ZHX3: variants seen among roughly 807,000 people sequenced by gnomAD.
The protein encoded by ZHX3 is zinc fingers and homeoboxes protein 3.
A neutral mutation model predicts 64.5 loss-of-function variants in ZHX3; 20 were observed. The observed-to-expected ratio is 0.31, with a 90% confidence interval of 0.22 to 0.45. ZHX3 has a LOEUF of 0.45. Ranked by LOEUF, ZHX3 falls within the 20% of genes least tolerant of loss-of-function variation. The pLI is 1.00. For synonymous variants in ZHX3, 423 were observed against 461.6 expected (o/e 0.92, Z 1.07); for missense variants, 1,041 against 1,195.8 (o/e 0.87, Z 1.91).
chr20:41,289,592 A>T (rs2044121994), intron 1 of ZHX3, among the ~76,000 whole-genome samples: 1 of 152,172 alleles, frequency 6.6e-6, no homozygotes, highest in African/African-American at 2.4e-5. Context: ...CATGCCAAGG[A>T]TGCAATCTTA....
chr20:41,183,359 T>TG lies in ZHX3; in HGVS notation c.*1831dup, dbSNP rs1434798399. 1 of 152,230 alleles carries TG rather than the reference T, an allele frequency of 6.6e-6. No individual in the cohort carries two copies. The highest frequency in any genetic ancestry group is 2.4e-5 in the African/African-American group (1 of 41,458). 9.4% of individuals were successfully genotyped at this position (152,230 alleles called of 1,614,324 possible). On this transcript the variant is annotated 3_prime_UTR_variant, in exon 4 of 4. Coordinates refer to ENST00000683867, the MANE Select transcript of ZHX3 (RefSeq NM_001384317.1). This position sits in a 1 kb window ranked among gnomAD's most constrained non-coding sequence, Gnocchi z 5.3. ...GAATACAAAAATAGGCTGCAAAACT[T>TG]GCCAAGTACTCACAAGTCCCTGTTT...
chr20:41,297,750 C>A (rs915438679), intron 1 of ZHX3, among the ~76,000 whole-genome samples: 5 of 152,184 alleles, frequency 3.3e-5, no homozygotes, highest in Non-Finnish European at 7.4e-5. Context: ...ATAAAGGCAA[C>A]TGACTGCCAG....
chr20:41,270,393 A>G lies in ZHX3; in HGVS notation c.-244-1310T>C, dbSNP rs1252321582. ...TCCGTCCAAAAAAAAAAAAAAAAAA[A>G]GGCCGGGCACGGTGGCTCACACCTG... On this transcript the variant is annotated intron_variant, in intron 1 of 3. Coordinates refer to ENST00000683867, the MANE Select transcript of ZHX3 (RefSeq NM_001384317.1). Among the ~76,000 whole-genome samples the G allele has an allele frequency of 2.6e-3, 307 of 119,678 alleles. 2 individuals are homozygous for G. The highest frequency in any genetic ancestry group is 1.0e-2 in the African/African-American group (293 of 29,326). 78.5% of individuals were successfully genotyped at this position (119,678 alleles called of 152,430 possible).
chr20:41,238,692 C>A (rs561426831), intron 2 of ZHX3: 1 of 152,154 alleles, frequency 6.6e-6, no homozygotes, highest in Admixed American at 6.5e-5. Flanking sequence ...CCTTACTTTG[C>A]GGAAATATGC....
chr20:41,301,731 A>G (rs1389134270), intron 1 of ZHX3, among the ~76,000 whole-genome samples: 1 of 152,128 alleles, frequency 6.6e-6, no homozygotes, highest in Non-Finnish European at 1.5e-5. Flanking sequence ...CCCATCCAGC[A>G]GATGCAGGCA....
chr20:41,282,735 G>A (rs548801233), intron 1 of ZHX3, among the ~76,000 whole-genome samples: 129 of 152,206 alleles, frequency 8.5e-4, no homozygotes, highest in Admixed American at 4.1e-3. Flanking sequence ...ACCCAGGTAC[G>A]TTGCATGAAA....
intron 2 of ZHX3, among the ~76,000 whole-genome samples, chr20:41,222,014 CAGA>C (rs2039976486): frequency 6.6e-6 from 1 of 152,194 alleles, no homozygotes; most frequent in Non-Finnish European, 1.5e-5. Context: ...GGGCTTTGAG[CAGA>C]AGGTTGGCGT....
rs1191837454 is a variant in ZHX3, at chr20:41,203,587, G to T, written c.1330C>A (p.Pro444Thr). ...TTGGGGACGGATGTCACCGTGAGGGGGAGAGGGGAACTTGTTGCTTGCAAC... is the reference window on the plus strand; with the variant it reads ...TTGGGGACGGATGTCACCGTGAGGGTGAGAGGGGAACTTGTTGCTTGCAAC... ...NGLQATSSPLPLTVTSVPKQP... is the reference protein window; with the variant it reads ...NGLQATSSPLTLTVTSVPKQP... The change falls in exon 3 of 4, where the codon CCC becomes ACC. Residue 444 changes from proline (P) to threonine (T), a missense_variant. By Grantham distance (38) the Pro-to-Thr change is conservative (BLOSUM62 -1). Transcript: ENST00000683867. The surrounding 1 kb of genome is among the most constrained non-coding windows in gnomAD (Gnocchi z 7.1). 1.2e-6 allele frequency: 2 copies of T among 1,614,234 alleles called. No individual in the cohort carries two copies.
In ZHX3 at chr20:41,280,883, T is replaced by A. The variant is rs186654193; in HGVS notation, c.-244-11800A>T. Among the ~76,000 whole-genome samples, 36 of 121,454 alleles carry A rather than the reference T, an allele frequency of 3.0e-4. 1 individual carries two copies. The highest frequency in any genetic ancestry group is 5.4e-3 in the Middle Eastern group (1 of 186). 79.7% of individuals were successfully genotyped at this position (121,454 alleles called of 152,430 possible). ...CTAGATGATCCAATATGTCTAACCC[T>A]TTTTTTTTTTAAAGGAGAGGACAGA... On this transcript the variant is annotated intron_variant, in intron 1 of 3. Coordinates refer to ENST00000683867, the MANE Select transcript of ZHX3 (RefSeq NM_001384317.1).
At chr20:41,238,673 A>G (rs2041172935) in intron 2 of ZHX3, 1 of 152,198 alleles carries the variant, frequency 6.6e-6, no homozygotes, top group African/African-American at 2.4e-5. Context: ...ATATATAGGC[A>G]AGACATTTCC....
At position 41,192,065 on chromosome 20, in the gene ZHX3, G is replaced by A. The variant is rs554327243; in HGVS notation, c.2861-6864C>T. Among the ~76,000 whole-genome samples, 4 of 152,306 alleles carry A rather than the reference G, an allele frequency of 2.6e-5. No homozygotes were observed. In the East Asian group the frequency reaches 7.7e-4, roughly 29 times the overall value. The stretch of plus-strand genomic sequence containing the variant: ...GGCCCCTGGGCAGCTGGCGTGGCAT[G>A]GGAGATGGCAGTGACAGTGTTGAAA... On this transcript the variant is annotated intron_variant, in intron 3 of 3. Transcript: ENST00000683867.
chr20:41,237,311 C>T (rs1350987636), intron 2 of ZHX3, among the ~76,000 whole-genome samples: 3 of 152,162 alleles, frequency 2.0e-5, no homozygotes, highest in Non-Finnish European at 1.5e-5. Context: ...GACACATGCA[C>T]ATGTATGTTT....
At chr20:41,257,345 T>C (rs907923648) in intron 2 of ZHX3, among the ~76,000 whole-genome samples, 3 of 152,310 alleles carry the variant, frequency 2.0e-5, no homozygotes, top group South Asian at 2.1e-4. Flanking sequence ...AAAATGTTCA[T>C]GAAAATCTCT....
intron 2 of ZHX3, among the ~76,000 whole-genome samples, chr20:41,222,841 G>C (rs764923287): frequency 9.3e-5 from 14 of 151,128 alleles, no homozygotes; most frequent in Admixed American, 2.0e-4. Context: ...GTGTGGGCCA[G>C]ATAGTTTACA....
intron 1 of ZHX3, chr20:41,300,251 C>T (rs2044752448): frequency 6.6e-6 from 1 of 152,072 alleles, no homozygotes; most frequent in African/African-American, 2.4e-5. Context: ...GCAAGAAATT[C>T]AAGGCTTCAG....
chr20:41,188,518 C>G (rs1040125027), intron 3 of ZHX3: 1 of 151,510 alleles, frequency 6.6e-6, no homozygotes, highest in Non-Finnish European at 1.5e-5. Flanking sequence ...CAACTGATCC[C>G]CCCACTTCAG....
At position 41,201,193 on chromosome 20, in the gene ZHX3, C is replaced by G; in HGVS notation, c.2860+864G>C. On this transcript the variant is annotated intron_variant, in intron 3 of 3. Transcript: ENST00000683867. This position sits in a 1 kb window ranked among gnomAD's most constrained non-coding sequence, Gnocchi z 5.0. ...CACCACAAATAGTGTCTCCTGTACCCCCTCCCACATTGCCAACTCAGCTAG... is the reference window on the plus strand; with the variant it reads ...CACCACAAATAGTGTCTCCTGTACCGCCTCCCACATTGCCAACTCAGCTAG... 2 of 871,336 alleles carry G rather than the reference C, an allele frequency of 2.3e-6. No homozygotes were observed. The highest frequency in any genetic ancestry group is 3.4e-5 in the South Asian group (2 of 59,226). 54.0% of individuals were successfully genotyped at this position (871,336 alleles called of 1,614,324 possible).
chr20:41,313,673 C>T (rs1383990464), intron 1 of ZHX3, among the ~76,000 whole-genome samples: 1 of 144,102 alleles, frequency 6.9e-6, no homozygotes, highest in Non-Finnish European at 1.5e-5. Context: ...TCTCAGCTCA[C>T]TGCAGGCTCC....
chr20:41,259,137 C>T (rs2146553257), intron 2 of ZHX3, among the ~76,000 whole-genome samples: 1 of 152,266 alleles, frequency 6.6e-6, no homozygotes, highest in East Asian at 1.9e-4. Flanking sequence ...CCAATGGAGT[C>T]AGATACCATG....
Sources: allele counts gnomAD v4.1 joint callset (sites outside exome capture counted in the v4.1 genomes callset), GRCh38; gene constraint gnomAD v4.1.1; non-coding constraint Gnocchi (gnomAD v3.1); transcripts MANE v1.5; gene names NCBI Gene and HGNC (gene_info 2026-07-23, HGNC 2026-07-21).